Variants in PAK5 observed in about 807,000 individuals in gnomAD.
The protein encoded by PAK5 is p21 (RAC1) activated kinase 5.
PAK5 carries 16 observed loss-of-function variants against 65.9 expected under a neutral mutation model. That is an observed-to-expected ratio of 0.24 (90% CI 0.16 to 0.37). The LOEUF is 0.37. PAK5 is among the 10% of genes least tolerant of loss of function. The pLI, the probability that PAK5 is intolerant of heterozygous loss-of-function variation, is 1.00. For missense variants in PAK5, 785 were observed against 903.9 expected (o/e 0.87, Z 1.69); for synonymous variants, 371 against 354.9 (o/e 1.05, Z -0.51).
At chr20:9,651,616 A>G (rs943033360) in intron 2 of PAK5, among the ~76,000 whole-genome samples, 22 of 152,328 alleles carry the variant, frequency 1.4e-4, no homozygotes, top group African/African-American at 5.3e-4. Flanking sequence ...AATTGGTTAA[A>G]ATGGTAAATT....
intron 1 of PAK5, among the ~76,000 whole-genome samples, chr20:9,834,695 G>A (rs575385128): frequency 6.6e-6 from 1 of 152,100 alleles, no homozygotes; most frequent in African/African-American, 2.4e-5. Flanking sequence ...CTGTGTTATT[G>A]GGAAAGATTA....
At chr20:9,810,691 T>G (rs180724386) in intron 1 of PAK5, among the ~76,000 whole-genome samples, 1 of 152,210 alleles carries the variant, frequency 6.6e-6, no homozygotes, top group Admixed American at 6.5e-5. Context: ...AATTGCAAAA[T>G]GTACCTAAAA....
At chr20:9,813,074 A>G (rs891256085) in intron 1 of PAK5, among the ~76,000 whole-genome samples, 1 of 152,208 alleles carries the variant, frequency 6.6e-6, no homozygotes, top group Non-Finnish European at 1.5e-5. Flanking sequence ...AACTATTGAT[A>G]TAAGCAACAA....
Position 9,835,406 on chromosome 20 carries a change from A to T in PAK5, c.-162+3356T>A, listed in dbSNP as rs138307723. Among the ~76,000 whole-genome samples the T allele has an allele frequency of 1.3e-5, 2 of 152,276 alleles. 1 individual carries two copies. Among genetic ancestry groups the T allele is most frequent in the African/African-American group, 4.8e-5 (2 of 41,566 alleles). On this transcript the variant is annotated intron_variant, in intron 1 of 9. Transcript: ENST00000353224. ...AAATATAGAGGGAAGATGGTTGGGG[A>T]TGTTCCAGAAACAGACAGAGGGTCA...
intron 1 of PAK5, among the ~76,000 whole-genome samples, chr20:9,748,211 T>G (rs1391486629): frequency 2.6e-5 from 4 of 152,094 alleles, no homozygotes; most frequent in Non-Finnish European, 2.9e-5. Context: ...GGAAGAACAT[T>G]CCATGCTCAT....
intron 1 of PAK5, among the ~76,000 whole-genome samples, chr20:9,796,707 C>T (rs1342439046): frequency 6.6e-6 from 1 of 151,938 alleles, no homozygotes; most frequent in African/African-American, 2.4e-5. Context: ...AGTGGTGGGG[C>T]TTGGTCTAGA....
chr20:9,644,311 C>G lies in PAK5; in HGVS notation c.18G>C (p.Lys6Asn). ...ACGGGCCAGATATTTCAATCTTTTT[C>G]TTTTTCTTCCCAAACATGATGCCAA... Reference protein sequence around the residue: MFGKKKKKIEISGPSN... With the variant: MFGKKNKKIEISGPSN... Residue 6 changes from lysine to asparagine, a missense_variant, in exon 3 of 10, where the codon AAG becomes AAC. By Grantham distance (94) the Lys-to-Asn change is moderately conservative. Transcript: ENST00000353224. 1 of 1,609,698 alleles carries G rather than the reference C, an allele frequency of 6.2e-7. No individual in the cohort carries two copies. Among genetic ancestry groups the G allele is most frequent in the Non-Finnish European group, 8.5e-7 (1 of 1,178,678 alleles).
intron 1 of PAK5, among the ~76,000 whole-genome samples, chr20:9,821,964 A>T (rs1199318415): frequency 6.6e-6 from 1 of 152,220 alleles, no homozygotes; most frequent in Non-Finnish European, 1.5e-5. Context: ...GCCATGGAAG[A>T]TACAGCTTAT....
intron 3 of PAK5, among the ~76,000 whole-genome samples, chr20:9,625,157 A>G (rs1308210042): frequency 2.0e-5 from 3 of 152,012 alleles, no homozygotes; most frequent in South Asian, 2.1e-4. Context: ...AACCACCTCC[A>G]TCACCTCCAA....
chr20:9,539,971 C>T (rs768897008), intron 9 of PAK5, among the ~76,000 whole-genome samples: 21 of 152,112 alleles, frequency 1.4e-4, no homozygotes, highest in Admixed American at 3.9e-4. Context: ...AACAGGGAGC[C>T]GTTTTATTTT....
intron 1 of PAK5, among the ~76,000 whole-genome samples, chr20:9,747,902 G>A (rs1468719161): frequency 2.0e-5 from 3 of 151,746 alleles, no homozygotes; most frequent in Admixed American, 2.0e-4. Context: ...AATTGTCCCT[G>A]TTTGCAGATG....
At position 9,750,546 on chromosome 20, in the gene PAK5, G is replaced by A. The variant is rs148046283; in HGVS notation, c.-161-39111C>T. 1.1e-4 allele frequency among the ~76,000 whole-genome samples: 17 copies of A among 152,214 alleles called. No individual in the cohort carries two copies. The East Asian group carries it at 2.3e-3, about 21-fold the overall frequency. On this transcript the variant is annotated intron_variant, in intron 1 of 9. Transcript: ENST00000353224. Reference sequence around the variant, plus strand: ...GTACTCAAAATGGTTAGCATTTTCTGTTGGAGTGAGTTAGTCATGGTTTTT... The same window carrying A: ...GTACTCAAAATGGTTAGCATTTTCTATTGGAGTGAGTTAGTCATGGTTTTT...
intron 2 of PAK5, among the ~76,000 whole-genome samples, chr20:9,683,503 T>C (rs543873087): frequency 9.8e-5 from 15 of 152,334 alleles, no homozygotes; most frequent in Admixed American, 6.5e-4. Flanking sequence ...TTTTTCCTTC[T>C]TCCTCTTCTT....
At chr20:9,801,958 A>T (rs2049173987) in intron 1 of PAK5, among the ~76,000 whole-genome samples, 1 of 152,170 alleles carries the variant, frequency 6.6e-6, no homozygotes, top group Non-Finnish European at 1.5e-5. Flanking sequence ...GAGCCAATAC[A>T]AAAATGCTTT....
At chr20:9,734,168 GTT>G (rs1188001167) in intron 1 of PAK5, among the ~76,000 whole-genome samples, 2 of 152,190 alleles carry the variant, frequency 1.3e-5, no homozygotes, top group Non-Finnish European at 2.9e-5. Context: ...TAAAAGAAAA[GTT>G]GTAATCTCAA....
chr20:9,644,139 G>C lies in PAK5; in HGVS notation c.190C>G (p.Leu64Val). 1.2e-6 allele frequency: 2 copies of C among 1,613,796 alleles called. No homozygotes were observed. The highest frequency in any genetic ancestry group is 1.7e-6 in the Non-Finnish European group (2 of 1,179,724). Residue 64 changes from leucine (L) to valine (V), a missense_variant, in exon 3 of 10, where the codon CTG (leucine) becomes GTG (valine). Coordinates refer to ENST00000353224, the MANE Select transcript of PAK5 (RefSeq NM_177990.4). ...CCTCACCATACCTTCATAGGAGCCA[G>C]CTGGATGGGTGTGATGCATGAAGGG... ...VDPSCITPIQ[L>V]APMKTIVRGN...
intron 7 of PAK5, among the ~76,000 whole-genome samples, chr20:9,549,935 C>G (rs1165653352): frequency 1.3e-5 from 2 of 152,166 alleles, no homozygotes; most frequent in Non-Finnish European, 2.9e-5. Flanking sequence ...AGGCACAGAC[C>G]ACAGACAGTT....
In PAK5 at chr20:9,562,908, G is replaced by A. The variant is rs1486742825; in HGVS notation, c.1599C>T (p.Asp533=). The A allele has an allele frequency of 6.2e-7, 1 of 1,613,734 alleles. No homozygotes were observed. The change falls in exon 6 of 10, where the codon GAC becomes GAT. Residue 533 remains aspartate (D), a synonymous_variant. Transcript: ENST00000353224. ...AAGCCTACCTGGTGTGAGTCACAAT[G>A]TCTGTCAAGGCACCACCTTCTAGAA... The part of the protein sequence containing the change: ...MEFLEGGALT[D]IVTHTRMNEE...
intron 1 of PAK5, among the ~76,000 whole-genome samples, chr20:9,803,676 T>C (rs979160062): frequency 1.6e-4 from 25 of 152,162 alleles, no homozygotes; most frequent in African/African-American, 5.6e-4. Flanking sequence ...ATATCTGCAT[T>C]AAAGTATCAT....
Sources: allele counts gnomAD v4.1 joint callset (sites outside exome capture counted in the v4.1 genomes callset), GRCh38; gene constraint gnomAD v4.1.1; transcripts MANE v1.5; gene names NCBI Gene and HGNC (gene_info 2026-07-23, HGNC 2026-07-21).